SLC26A7: variants seen among roughly 807,000 people sequenced by gnomAD.
SLC26A7 encodes anion exchange transporter.
A neutral mutation model predicts 82.5 loss-of-function variants in SLC26A7; 59 were observed. The observed-to-expected ratio is 0.72, with a 90% CI of 0.58 to 0.89. The LOEUF (loss-of-function observed/expected upper bound fraction) is 0.89, where lower values mean the gene tolerates loss of function less well. SLC26A7 is among the 40% of genes least tolerant of loss of function. The pLI, the probability that SLC26A7 is intolerant of heterozygous loss-of-function variation, is 0.00. For missense variants in SLC26A7, 820 were observed against 793.0 expected, an observed-to-expected ratio of 1.03 and a Z score of -0.41; for synonymous variants, 271 against 274.3, an observed-to-expected ratio of 0.99 and a Z score of 0.12.
At chr8:91,352,090 C>T (rs564080367) in intron 10 of SLC26A7, among the ~76,000 whole-genome samples, 46 of 151,428 alleles carry the variant, frequency 3.0e-4, no homozygotes, top group African/African-American at 9.2e-4. Context: ...TTTTTTTTTA[C>T]GTTTTTGGCT....
In SLC26A7 at chr8:91,362,389, T is replaced by C; in HGVS notation, c.1351T>C (p.Phe451Leu). The C allele has an allele frequency of 1.2e-6, 2 of 1,613,388 alleles. No homozygotes were observed. The highest frequency in any genetic ancestry group is 1.7e-6 in the Non-Finnish European group (2 of 1,179,426). Residue 451 changes from phenylalanine (F) to leucine (L), a missense_variant, in exon 12 of 19, where the codon TTT (phenylalanine) becomes CTT (leucine). By Grantham distance (22) the Phe-to-Leu change is conservative (BLOSUM62 0). Transcript: ENST00000276609. ...CAGTACATATGTATTTACAATATGC[T>C]TTGCTGCCAATGTGGGACTGCTGTT... ...WVSTYVFTIC[F>L]AANVGLLFGV... is the part of the protein sequence containing the mutation.
chr8:91,249,703 A>AC lies in SLC26A7; in HGVS notation c.58dup (p.Gln20ProfsTer3), dbSNP rs749030792. On this transcript the variant is annotated frameshift_variant, in exon 2 of 19. Coordinates refer to ENST00000276609, the MANE Select transcript of SLC26A7 (RefSeq NM_052832.4). LOFTEE classifies it high-confidence loss of function. ...AAGCATGCTTTGGAGCAAGATGCAT[A>AC]CCCCCCAGTGTGAAGACATTATACA... The AC allele has an allele frequency of 1.3e-6, 2 of 1,588,862 alleles. No individual in the cohort carries two copies. The highest frequency in any genetic ancestry group is 2.7e-5 in the African/African-American group (2 of 73,306).
intron 2 of SLC26A7, among the ~76,000 whole-genome samples, chr8:91,235,229 G>A (rs1199044409): frequency 1.3e-5 from 2 of 152,126 alleles, no homozygotes; most frequent in African/African-American, 4.8e-5. Flanking sequence ...CAGCCCAAGT[G>A]CCTGAATTTC....
At chr8:91,345,409 A>C (rs1813535772) in intron 9 of SLC26A7, among the ~76,000 whole-genome samples, 1 of 152,206 alleles carries the variant, frequency 6.6e-6, no homozygotes, top group South Asian at 2.1e-4. Context: ...TGCACAAGTA[A>C]CTTGACCTCT....
chr8:91,330,579 T>C (rs888127121), intron 5 of SLC26A7, among the ~76,000 whole-genome samples: 1 of 152,068 alleles, frequency 6.6e-6, no homozygotes, highest in Non-Finnish European at 1.5e-5. Flanking sequence ...CTAATCTTTA[T>C]CACCTGAAAC....
chr8:91,395,274 ATTTT>A lies in SLC26A7; in HGVS notation c.*179_*182del. On this transcript the variant is annotated 3_prime_UTR_variant, in exon 19 of 19. Transcript: ENST00000276609. ...AAAGAACTGCCAACTTTTTTTTCTCATTTTTGTTAGTAAGAAGATTCGCTTAGTT... is the reference window on the plus strand; with the variant it reads ...AAAGAACTGCCAACTTTTTTTTCTCATGTTAGTAAGAAGATTCGCTTAGTT... 2 of 1,388,220 alleles carry A rather than the reference ATTTT, an allele frequency of 1.4e-6. No homozygotes were observed. Among genetic ancestry groups the A allele is most frequent in the Non-Finnish European group, 1.9e-6 (2 of 1,070,322 alleles). 86.0% of individuals were successfully genotyped at this position (1,388,220 alleles called of 1,614,324 possible).
At chr8:91,299,102 G>T (rs1405175492) in intron 4 of SLC26A7, among the ~76,000 whole-genome samples, 1 of 152,058 alleles carries the variant, frequency 6.6e-6, no homozygotes, top group African/African-American at 2.4e-5. Flanking sequence ...AGATCATTTT[G>T]TGCTAATTTT....
At chr8:91,216,163 C>T (rs562683299) in intron 1 of SLC26A7, among the ~76,000 whole-genome samples, 16 of 152,146 alleles carry the variant, frequency 1.1e-4, no homozygotes, top group African/African-American at 3.1e-4. Flanking sequence ...AAACTAACAA[C>T]GGGCATTTAA....
intron 2 of SLC26A7, among the ~76,000 whole-genome samples, chr8:91,225,844 C>T (rs1188168209): frequency 6.6e-6 from 1 of 151,880 alleles, no homozygotes; most frequent in East Asian, 1.9e-4. Flanking sequence ...AACCTGGTTT[C>T]TGTTCCTCCA....
At chr8:91,366,027 G>A (rs1814182730) in intron 13 of SLC26A7, among the ~76,000 whole-genome samples, 1 of 151,988 alleles carries the variant, frequency 6.6e-6, no homozygotes. Context: ...ACCACATCCT[G>A]GCAATCCAGT....
At chr8:91,297,163 C>A (rs1812039051) in intron 4 of SLC26A7, among the ~76,000 whole-genome samples, 1 of 151,964 alleles carries the variant, frequency 6.6e-6, no homozygotes. Context: ...TCTTACTCTA[C>A]AAAGCATGAA....
chr8:91,363,636 A>G (rs1460361777), intron 13 of SLC26A7, 98 bp downstream of exon 13: 2 of 672,840 alleles, frequency 3.0e-6, no homozygotes, highest in Non-Finnish European at 4.8e-6. Context: ...TATGATAGTT[A>G]AAAATATAAC....
chr8:91,282,677 G>A (rs549027915), intron 2 of SLC26A7, among the ~76,000 whole-genome samples: 22 of 152,258 alleles, frequency 1.4e-4, no homozygotes, highest in Non-Finnish European at 2.8e-4. Flanking sequence ...AGAAGGTCTC[G>A]TAGGTTCCAG....
At chr8:91,343,491 A>G (rs1813476103) in intron 9 of SLC26A7, 25 bp downstream of exon 9, 2 of 1,549,266 alleles carry the variant, frequency 1.3e-6, no homozygotes, top group Non-Finnish European at 1.8e-6. Context: ...CCACAGGGAC[A>G]AAGCACTGCT....
At chr8:91,379,330 A>G (rs1814606239) in intron 15 of SLC26A7, among the ~76,000 whole-genome samples, 1 of 152,140 alleles carries the variant, frequency 6.6e-6, no homozygotes, top group South Asian at 2.1e-4. Context: ...TTAAATTTTT[A>G]AATAAAAATG....
At chr8:91,381,486 T>C (rs1586474611) in intron 15 of SLC26A7, among the ~76,000 whole-genome samples, 2 of 152,320 alleles carry the variant, frequency 1.3e-5, no homozygotes, top group Middle Eastern at 3.4e-3. Flanking sequence ...AGAACACTTA[T>C]GTAATACTAG....
rs539708325 is a variant in SLC26A7 at position 91,285,610 on chromosome 8, A to G, written c.194-3526A>G. 5.9e-5 allele frequency among the ~76,000 whole-genome samples: 9 copies of G among 152,382 alleles called. No homozygotes were observed. In the South Asian group the frequency reaches 1.9e-3, roughly 32 times the overall value. On this transcript the variant is annotated intron_variant, in intron 2 of 18. Transcript: ENST00000276609. ...TAAAGCATAAAGAAGTGCTTTATGA[A>G]GATGATAGACATTTCTGGGGCAGTA...
intron 7 of SLC26A7, 144 bp from the exon 8 acceptor site, chr8:91,340,260 A>T: frequency 1.0e-6 from 1 of 978,118 alleles, no homozygotes; most frequent in Non-Finnish European, 1.5e-6. Flanking sequence ...AAGGGCTTCT[A>T]AGGGCAAGGC....
intron 2 of SLC26A7, among the ~76,000 whole-genome samples, chr8:91,228,446 A>G (rs1034178104): frequency 6.6e-6 from 1 of 152,208 alleles, no homozygotes; most frequent in African/African-American, 2.4e-5. Flanking sequence ...AAGAAGTGAG[A>G]TGGGGCTTAT....
Sources: allele counts gnomAD v4.1 joint callset (sites outside exome capture counted in the v4.1 genomes callset), GRCh38; gene constraint gnomAD v4.1.1; transcripts MANE v1.5; gene names NCBI Gene and HGNC (gene_info 2026-07-23, HGNC 2026-07-21).